Variants in FXYD6 observed in about 807,000 individuals in gnomAD.
FXYD6 encodes FXYD domain-containing ion transport regulator 6.
FXYD6 carries 7 observed loss-of-function variants against 16.7 expected under a neutral mutation model. That is an observed-to-expected ratio of 0.42 (90% CI 0.24 to 0.79). FXYD6 has a LOEUF of 0.79. Among genes scored for constraint, FXYD6 ranks in the 30% least tolerant of loss-of-function variants. The pLI, the probability that FXYD6 is intolerant of heterozygous loss-of-function variation, is 0.28. For synonymous variants in FXYD6, 49 were observed against 43.0 expected, an observed-to-expected ratio of 1.14 and a Z score of -0.54; for missense variants, 111 against 116.2, an observed-to-expected ratio of 0.95 and a Z score of 0.21.
At chr11:117,850,591 T>C (rs1822685824) in intron 1 of FXYD6, among the ~76,000 whole-genome samples, 1 of 152,234 alleles carries the variant, frequency 6.6e-6, no homozygotes, top group African/African-American at 2.4e-5. Flanking sequence ...TGCCATCTGT[T>C]TTTTCCCTAT....
At chr11:117,841,494 C>T (rs1052915575) in intron 4 of FXYD6, 3 of 589,220 alleles carry the variant, frequency 5.1e-6, no homozygotes, top group Non-Finnish European at 6.0e-6. Flanking sequence ...AGGGCAGCAC[C>T]TGTCTCCTTC....
chr11:117,876,568 T>C (rs1355128478), intron 1 of FXYD6, 24 bp downstream of exon 1: 1 of 152,430 alleles, frequency 6.6e-6, no homozygotes, highest in African/African-American at 2.4e-5. Context: ...GGAGCCAACT[T>C]TGCCCACCTC....
intron 1 of FXYD6, among the ~76,000 whole-genome samples, chr11:117,845,948 A>G (rs11608153): frequency 0.14 from 21,521 of 152,208 alleles, 2,424 homozygotes; most frequent in East Asian, 0.35. Context: ...TGTTCTAGAC[A>G]TGAGCCTAGG....
rs1321012057 is a variant in FXYD6 at position 117,840,377 on chromosome 11, G to GA, written c.210-10dup. On this transcript the variant is annotated splice_polypyrimidine_tract_variant and intron_variant, in intron 5 of 7. Coordinates refer to ENST00000526014, the MANE Select transcript of FXYD6 (RefSeq NM_022003.4). ...CCTCATCTCCTGGGGCCCTGCAGGA[G>GA]AAAGAGACACACAGCCCCATCAGAG... The GA allele has an allele frequency of 6.2e-7, 1 of 1,613,812 alleles. No homozygotes were observed. The highest frequency in any genetic ancestry group is 8.5e-7 in the Non-Finnish European group (1 of 1,179,870).
At chr11:117,844,573 C>A (rs955404539) in intron 1 of FXYD6, among the ~76,000 whole-genome samples, 1 of 152,180 alleles carries the variant, frequency 6.6e-6, no homozygotes, top group East Asian at 1.9e-4. Context: ...CGGCTCACTG[C>A]AACTTCCACC....
chr11:117,871,729 A>G (rs1214096758), intron 1 of FXYD6, among the ~76,000 whole-genome samples: 1 of 152,232 alleles, frequency 6.6e-6, no homozygotes, highest in Non-Finnish European at 1.5e-5. Context: ...TGTTTACTCC[A>G]TGCTAGGCAG....
chr11:117,856,051 T>C (rs945769468), intron 1 of FXYD6, among the ~76,000 whole-genome samples: 1 of 152,212 alleles, frequency 6.6e-6, no homozygotes, highest in African/African-American at 2.4e-5. Context: ...GCTGAGGTTC[T>C]GGGTGGAAGC....
chr11:117,848,582 G>T (rs1488049761), intron 1 of FXYD6, among the ~76,000 whole-genome samples: 1 of 152,158 alleles, frequency 6.6e-6, no homozygotes, highest in African/African-American at 2.4e-5. Flanking sequence ...TAGCTCCCTG[G>T]AAGAGTTTGC....
At chr11:117,844,191 A>C (rs982684614) in intron 1 of FXYD6, 1 of 152,498 alleles carries the variant, frequency 6.6e-6, no homozygotes, top group African/African-American at 2.4e-5. Flanking sequence ...ATCCACAGCC[A>C]CGTCAAGGCC....
intron 1 of FXYD6, 118 bp from the exon 2 acceptor site, chr11:117,842,899 C>T: frequency 9.5e-7 from 1 of 1,048,314 alleles, no homozygotes; most frequent in Non-Finnish European, 1.4e-6. Context: ...GCACTCATGA[C>T]TTGGTGAGGG....
intron 1 of FXYD6, among the ~76,000 whole-genome samples, chr11:117,854,978 A>G (rs1344955520): frequency 6.6e-6 from 1 of 152,244 alleles, no homozygotes; most frequent in Non-Finnish European, 1.5e-5. Flanking sequence ...GACGGCCTTC[A>G]TCCACCAGTA....
intron 1 of FXYD6, among the ~76,000 whole-genome samples, chr11:117,850,189 T>G (rs561183998): frequency 6.6e-6 from 1 of 152,356 alleles, no homozygotes; most frequent in Admixed American, 6.5e-5. Context: ...AGAGCCGTTC[T>G]CCGGCCTCCT....
chr11:117,874,682 G>T (rs767352346), intron 1 of FXYD6, among the ~76,000 whole-genome samples: 2 of 152,228 alleles, frequency 1.3e-5, no homozygotes, highest in Non-Finnish European at 2.9e-5. Context: ...TCCTCTGCTG[G>T]TGAGGATGAC....
chr11:117,844,628 T>A, intron 1 of FXYD6, among the ~76,000 whole-genome samples: 1 of 152,066 alleles, frequency 6.6e-6, no homozygotes, highest in Non-Finnish European at 1.5e-5. Context: ...CCAAGGAGTT[T>A]GGATTACAGG....
chr11:117,871,118 A>T (rs1052490009), intron 1 of FXYD6, among the ~76,000 whole-genome samples: 2 of 152,190 alleles, frequency 1.3e-5, no homozygotes, highest in African/African-American at 4.8e-5. Context: ...AAATGCTGTG[A>T]GGAATCAGCC....
At chr11:117,863,259 G>A (rs1231240744) in intron 1 of FXYD6, among the ~76,000 whole-genome samples, 2 of 152,186 alleles carry the variant, frequency 1.3e-5, no homozygotes, top group East Asian at 3.9e-4. Flanking sequence ...AAATAAAATT[G>A]GAGGCCCCAA....
rs936352426 is a variant in FXYD6, at chr11:117,837,550, C to G, written c.*749G>C. On this transcript the variant is annotated 3_prime_UTR_variant, in exon 8 of 8. Transcript: ENST00000526014. The surrounding 1 kb of genome is among the most constrained non-coding windows in gnomAD (Gnocchi z 4.4). ...AAGCCCTGGGCCTGGAATCCCCGGG[C>G]GCTCTGTGAAGGGGCGGGGCAGATG... The G allele has an allele frequency of 2.0e-5, 3 of 152,630 alleles. No homozygotes were observed. The highest frequency in any genetic ancestry group is 4.4e-5 in the Non-Finnish European group (3 of 68,242). 9.5% of individuals were successfully genotyped at this position (152,630 alleles called of 1,614,324 possible). A position where few individuals can be genotyped will look rare whatever the true frequency, so the allele number is the denominator to read the frequency against.
chr11:117,854,643 G>A (rs1387567549), intron 1 of FXYD6, among the ~76,000 whole-genome samples: 2 of 152,226 alleles, frequency 1.3e-5, no homozygotes, highest in Non-Finnish European at 2.9e-5. Flanking sequence ...AGGTACAGAC[G>A]CCATGCAACA....
intron 1 of FXYD6, among the ~76,000 whole-genome samples, chr11:117,871,627 C>T (rs1218625402): frequency 6.6e-6 from 1 of 152,070 alleles, no homozygotes; most frequent in African/African-American, 2.4e-5. Context: ...TGGGAGGAGC[C>T]ACGAAGGATG....
Sources: gnomAD v4.1 joint callset for allele counts (sites outside exome capture counted in the v4.1 genomes callset) on GRCh38, gnomAD v4.1.1 for gene constraint, Gnocchi (gnomAD v3.1) non-coding constraint, MANE v1.5 for transcripts, NCBI Gene and HGNC (gene_info 2026-07-23, HGNC 2026-07-21) for gene names.